Variants in PCDHA4 observed in about 807,000 individuals in gnomAD.
The protein encoded by PCDHA4 is protocadherin alpha-4.
Under a neutral mutation model 61.4 loss-of-function variants are expected in PCDHA4, and 49 were observed. The ratio of observed to expected loss-of-function variants is 0.80; its 90% CI spans 0.63 to 1.01. The LOEUF (loss-of-function observed/expected upper bound fraction) is 1.01. PCDHA4 is among the 50% of genes least tolerant of loss of function. PCDHA4 has a pLI of 0.00. For synonymous variants in PCDHA4, 590 were observed against 550.3 expected (o/e 1.07, Z -1.01); for missense variants, 1,254 against 1,235.8 (o/e 1.01, Z -0.22).
At chr5:140,824,177 T>C in intron 1 of PCDHA4, 1 of 1,609,658 alleles carries the variant, frequency 6.2e-7, no homozygotes, top group East Asian at 2.2e-5. Context: ...TTTTCAAATA[T>C]TAAATGTCAC....
intron 1 of PCDHA4, among the ~76,000 whole-genome samples, chr5:140,974,301 A>G (rs2096621600): frequency 6.6e-6 from 1 of 152,190 alleles, no homozygotes; most frequent in Non-Finnish European, 1.5e-5. Context: ...AGGAGGTACA[A>G]CTGTGAGTGA....
chr5:140,967,327 C>T (rs2096128034), intron 1 of PCDHA4: 2 of 1,608,656 alleles, frequency 1.2e-6, no homozygotes, highest in Admixed American at 1.7e-5. Context: ...CCTACGAGCT[C>T]AGCCCCAGCG....
intron 3 of PCDHA4, chr5:140,989,054 A>G (rs1481333744): frequency 6.6e-6 from 1 of 152,214 alleles, no homozygotes; most frequent in African/African-American, 2.4e-5. Flanking sequence ...TGCCAGCTAC[A>G]TTGAGGCAAT....
At chr5:140,981,725 A>T (rs1554243280) in intron 2 of PCDHA4, among the ~76,000 whole-genome samples, 1 of 151,396 alleles carries the variant, frequency 6.6e-6, no homozygotes, top group Non-Finnish European at 1.5e-5. Context: ...TCCAACAAAT[A>T]TTTGAGAGAT....
intron 3 of PCDHA4, among the ~76,000 whole-genome samples, chr5:140,991,572 G>A (rs782016422): frequency 1.3e-4 from 20 of 152,144 alleles, no homozygotes; most frequent in Non-Finnish European, 2.9e-4. Flanking sequence ...TCCAATAACA[G>A]GCTCCTTATT....
rs1764370470 is a variant in PCDHA4 at position 140,809,122 on chromosome 5, C to T, written c.1935C>T (p.His645=). 4.3e-6 allele frequency: 7 copies of T among 1,613,994 alleles called. No homozygotes were observed. The highest frequency in any genetic ancestry group is 5.9e-6 in the Non-Finnish European group (7 of 1,179,948). ...TGGACGAAACGGACGCTCCGCGCCA[C>T]CGCCTACTGGTACTGGTGAAGGACC... ...RALDETDAPR[H]RLLVLVKDHG... Residue 645 remains histidine (H), a synonymous_variant, in exon 1 of 4, where the codon CAC becomes CAT. Transcript: ENST00000530339.
At chr5:140,858,132 A>G (rs781998170) in intron 1 of PCDHA4, 3 of 1,597,528 alleles carry the variant, frequency 1.9e-6, no homozygotes, top group Non-Finnish European at 2.6e-6. Context: ...GTGGATGTCA[A>G]CGTGTACCTG....
intron 3 of PCDHA4, among the ~76,000 whole-genome samples, chr5:140,988,745 G>A (rs943188955): frequency 3.9e-5 from 6 of 152,152 alleles, no homozygotes; most frequent in Non-Finnish European, 5.9e-5. Flanking sequence ...TCTAGGATTG[G>A]TGGCCTGGGC....
intron 1 of PCDHA4, among the ~76,000 whole-genome samples, chr5:140,956,723 A>G (rs536528599): frequency 6.6e-6 from 1 of 152,166 alleles, no homozygotes; most frequent in Non-Finnish European, 1.5e-5. Context: ...AAGAATTGGT[A>G]CCAGCTCCTC....
intron 1 of PCDHA4, among the ~76,000 whole-genome samples, chr5:140,948,051 T>A (rs1554218425): frequency 2.0e-5 from 3 of 151,622 alleles, no homozygotes; most frequent in African/African-American, 7.2e-5. Context: ...CATGATTCAT[T>A]GTTGAATTTC....
chr5:140,828,989 G>C, intron 1 of PCDHA4: 1 of 1,613,984 alleles, frequency 6.2e-7, no homozygotes, highest in South Asian at 1.1e-5. Context: ...TCGAAATACG[G>C]GAGAAATAGT....
rs1263615997 is a variant in PCDHA4 at position 140,926,760 on chromosome 5, A to ATAC, written c.2386-52188_2386-52187insACT. ...GGCGCAACGTCGGCGGTCGCTGAGT[A>ATAC]TCCAGCCCGCAGCAGTGACGGCCGG... On this transcript the variant is annotated intron_variant, in intron 1 of 3. Transcript: ENST00000530339. The ATAC allele has an allele frequency of 6.1e-6, 8 of 1,312,248 alleles. No homozygotes were observed. The African/African-American group carries it at 1.2e-4, about 20-fold the overall frequency. The allele number at this position is 1,312,248 out of a possible 1,614,324, so 81.3% of individuals were successfully genotyped here.
rs17119229 is a variant in PCDHA4, at chr5:140,842,497, T to C, written c.2385+32925T>C. ...AGGTGACCTGCTCCCTGATGCCCCA[T>C]GTCCCCTTCAAGCTGGTGTCCACCT... is the stretch of plus-strand genomic sequence containing the variant. On this transcript the variant is annotated intron_variant, in intron 1 of 3. Transcript: ENST00000530339. 27 of 1,613,862 alleles carry C rather than the reference T, an allele frequency of 1.7e-5. No homozygotes were observed. The South Asian group carries it at 1.8e-4, about 11-fold the overall frequency.
At chr5:140,942,588 ATATAAT>A (rs1164852863) in intron 1 of PCDHA4, among the ~76,000 whole-genome samples, 1 of 149,588 alleles carries the variant, frequency 6.7e-6, no homozygotes, top group Non-Finnish European at 1.5e-5. Flanking sequence ...AGGATGTCAC[ATATAAT>A]TATAGTGTTT....
chr5:140,906,137 G>C (rs1462672499), intron 1 of PCDHA4, among the ~76,000 whole-genome samples: 1 of 152,008 alleles, frequency 6.6e-6, no homozygotes, highest in East Asian at 1.9e-4. Context: ...AGTCTCCTTT[G>C]ATAACACCCT....
chr5:140,848,600 C>A lies in PCDHA4; in HGVS notation c.2385+39028C>A, dbSNP rs2150414065. On this transcript the variant is annotated intron_variant, in intron 1 of 3. Transcript: ENST00000530339. The stretch of plus-strand genomic sequence containing the variant: ...GGAGCGGCCAGCTCCACTACTCCGT[C>A]CCGGAGGAAGCCGAACACGGCACCT... 2.5e-6 allele frequency: 4 copies of A among 1,593,634 alleles called. 1 individual carries two copies. The highest frequency in any genetic ancestry group is 3.4e-6 in the Non-Finnish European group (4 of 1,164,058).
intron 3 of PCDHA4, among the ~76,000 whole-genome samples, chr5:141,008,968 T>C (rs1241825350): frequency 6.6e-6 from 1 of 152,256 alleles, no homozygotes; most frequent in Non-Finnish European, 1.5e-5. Flanking sequence ...AATACATTTA[T>C]AGCCAAAGTT....
intron 1 of PCDHA4, among the ~76,000 whole-genome samples, chr5:140,902,016 T>C (rs541579348): frequency 1.3e-5 from 2 of 152,274 alleles, no homozygotes; most frequent in South Asian, 4.1e-4. Context: ...TTGGGACATA[T>C]AGAAATACTA....
At chr5:140,890,767 T>A (rs1342716029) in intron 1 of PCDHA4, among the ~76,000 whole-genome samples, 3 of 152,210 alleles carry the variant, frequency 2.0e-5, no homozygotes, top group African/African-American at 7.2e-5. Context: ...AAAAATATTT[T>A]AAAACCCCAT....
Sources: gnomAD v4.1 joint callset for allele counts (sites outside exome capture counted in the v4.1 genomes callset) on GRCh38, gnomAD v4.1.1 for gene constraint, MANE v1.5 for transcripts, NCBI Gene and HGNC (gene_info 2026-07-23, HGNC 2026-07-21) for gene names.